Variants in TLN2 observed in about 807,000 individuals in gnomAD.
TLN2 encodes talin 2, also known as talin-2.
Under a neutral mutation model 294.7 loss-of-function variants are expected in TLN2, and 118 were observed. The observed-to-expected ratio is 0.40, with a 90% CI of 0.34 to 0.47. The LOEUF is 0.47. Among genes scored for constraint, TLN2 ranks in the 20% least tolerant of loss-of-function variants. TLN2 has a pLI of 0.84. For synonymous variants in TLN2, 1,431 were observed against 1,304.5 expected, an observed-to-expected ratio of 1.10 and a Z score of -2.09; for missense variants, 3,083 against 3,282.2, an observed-to-expected ratio of 0.94 and a Z score of 1.48.
At chr15:62,530,029 A>G (rs576022690) in intron 1 of TLN2, among the ~76,000 whole-genome samples, 6 of 152,202 alleles carry the variant, frequency 3.9e-5, no homozygotes, top group Admixed American at 6.5e-5. Flanking sequence ...CTTCTCTACT[A>G]AAAATACAAA....
chr15:62,810,076 T>C (rs373929185), intron 52 of TLN2, 44 bp downstream of exon 52: 5 of 1,502,114 alleles, frequency 3.3e-6, no homozygotes, highest in Non-Finnish European at 4.6e-6. Context: ...GCTGTGTCCC[T>C]CTAGCTGTCC....
At chr15:62,580,475 A>G (rs2044858585) in intron 1 of TLN2, among the ~76,000 whole-genome samples, 1 of 142,556 alleles carries the variant, frequency 7.0e-6, no homozygotes, top group African/African-American at 2.6e-5. Context: ...CAGTGGCGAG[A>G]TCTAGGCACA....
chr15:62,671,076 A>G (rs926873741), intron 9 of TLN2, among the ~76,000 whole-genome samples: 4 of 152,088 alleles, frequency 2.6e-5, no homozygotes, highest in Non-Finnish European at 5.9e-5. Context: ...GGCCATTTGT[A>G]TCTCTTCTTT....
At chr15:62,609,421 G>A (rs978879856) in intron 2 of TLN2, among the ~76,000 whole-genome samples, 4 of 152,168 alleles carry the variant, frequency 2.6e-5, no homozygotes, top group African/African-American at 4.8e-5. Context: ...TATAATGAAA[G>A]GGTCAAGTTC....
At chr15:62,729,777 A>G (rs747221920) in intron 28 of TLN2, among the ~76,000 whole-genome samples, 1 of 152,058 alleles carries the variant, frequency 6.6e-6, no homozygotes, top group African/African-American at 2.4e-5. Context: ...CGAGTCTATC[A>G]TCTTACTATT....
At chr15:62,668,550 G>T (rs544026758) in intron 9 of TLN2, among the ~76,000 whole-genome samples, 41 of 152,226 alleles carry the variant, frequency 2.7e-4, no homozygotes, top group African/African-American at 9.6e-4. Flanking sequence ...ATTCCACAGG[G>T]TCTGAAATAC....
chr15:62,418,309 T>TA (rs2140266963), intron 1 of TLN2, among the ~76,000 whole-genome samples: 1 of 152,344 alleles, frequency 6.6e-6, no homozygotes, highest in African/African-American at 2.4e-5. Context: ...ATTGCAATGA[T>TA]AGACTATTCT....
At chr15:62,451,565 G>C (rs1029402817) in intron 1 of TLN2, among the ~76,000 whole-genome samples, 3 of 152,206 alleles carry the variant, frequency 2.0e-5, no homozygotes, top group South Asian at 2.1e-4. Context: ...GCGGAGGCAG[G>C]AGGAACGCTT....
intron 1 of TLN2, among the ~76,000 whole-genome samples, chr15:62,413,300 A>G (rs1158828558): frequency 2.6e-5 from 4 of 152,194 alleles, no homozygotes; most frequent in Non-Finnish European, 5.9e-5. Context: ...TATTTAGTCC[A>G]TGCACTGCCC....
chr15:62,483,692 G>A (rs551682504), intron 1 of TLN2, among the ~76,000 whole-genome samples: 41 of 152,258 alleles, frequency 2.7e-4, no homozygotes, highest in Middle Eastern at 3.4e-3. Flanking sequence ...ACTCTAAAAC[G>A]TACCATCTTG....
chr15:62,796,115 T>A lies in TLN2; in HGVS notation c.5884-12T>A. ...TTTCTTAGCTCCCCTCACATTCCCT[T>A]TCTGCCTACAGGTCTCCTTGGTGCT... On this transcript the variant is annotated splice_polypyrimidine_tract_variant and intron_variant, in intron 46 of 58. Coordinates refer to ENST00000636159, the MANE Select transcript of TLN2 (RefSeq NM_015059.3). 3 of 1,611,922 alleles carry A rather than the reference T, an allele frequency of 1.9e-6. No homozygotes were observed. The highest frequency in any genetic ancestry group is 1.7e-6 in the Non-Finnish European group (2 of 1,179,336).
At chr15:62,810,358 A>T in intron 52 of TLN2, among the ~76,000 whole-genome samples, 1 of 152,184 alleles carries the variant, frequency 6.6e-6, no homozygotes, top group East Asian at 1.9e-4. Flanking sequence ...CTGAAAAAGT[A>T]TCAGGAGGTC....
chr15:62,821,587 C>G (rs1197262961), intron 54 of TLN2, among the ~76,000 whole-genome samples: 2 of 152,230 alleles, frequency 1.3e-5, no homozygotes, highest in Non-Finnish European at 2.9e-5. Context: ...TGAGTCTGTT[C>G]AGCTTGGGAA....
At chr15:62,462,207 C>T (rs1005497199) in intron 1 of TLN2, among the ~76,000 whole-genome samples, 6 of 152,180 alleles carry the variant, frequency 3.9e-5, no homozygotes, top group Non-Finnish European at 7.4e-5. Flanking sequence ...GCGCTGCAGC[C>T]TGGGTGACAA....
At chr15:62,608,023 G>A (rs2047599917) in intron 2 of TLN2, among the ~76,000 whole-genome samples, 1 of 152,168 alleles carries the variant, frequency 6.6e-6, no homozygotes, top group African/African-American at 2.4e-5. Context: ...AAGGACATGT[G>A]TTGTATCTTT....
At chr15:62,525,751 A>C (rs1420062356) in intron 1 of TLN2, among the ~76,000 whole-genome samples, 2 of 152,178 alleles carry the variant, frequency 1.3e-5, no homozygotes, top group African/African-American at 4.8e-5. Context: ...AGGTCCCTTT[A>C]GGTAGTGAAA....
chr15:62,399,331 G>T (rs2456473), intron 1 of TLN2, among the ~76,000 whole-genome samples: 90,272 of 149,456 alleles, frequency 0.6, 29,354 homozygotes, highest in East Asian at 0.81. Context: ...TGCAGGAGCG[G>T]AGCCCTCATG....
rs118014035 is a variant in TLN2 at position 62,718,254 on chromosome 15, C to T, written c.2877+565C>T. 6.7e-4 allele frequency among the ~76,000 whole-genome samples: 102 copies of T among 152,294 alleles called. 1 individual carries two copies. In the East Asian group the frequency reaches 0.01, roughly 15 times the overall value. On this transcript the variant is annotated intron_variant, in intron 24 of 58. Coordinates refer to ENST00000636159, the MANE Select transcript of TLN2 (RefSeq NM_015059.3). The stretch of plus-strand genomic sequence containing the variant: ...ACACCCTTGTTGGTTTCTCTAAGAG[C>T]CCAGGGAGTTGACTCCCCCAGGGCT...
chr15:62,791,144 C>T lies in TLN2; in HGVS notation c.5737-1497C>T, dbSNP rs1015114917. Among the ~76,000 whole-genome samples, 4 of 151,430 alleles carry T rather than the reference C, an allele frequency of 2.6e-5. No individual in the cohort carries two copies. The South Asian group carries it at 6.3e-4, about 24-fold the overall frequency. On this transcript the variant is annotated intron_variant, in intron 45 of 58. Coordinates refer to ENST00000636159, the MANE Select transcript of TLN2 (RefSeq NM_015059.3). ...GACGGATCACCTGAGGTCAGGAGTTCGAGACCAGCCTGGCCAACATGGTGA... is the reference window on the plus strand; with the variant it reads ...GACGGATCACCTGAGGTCAGGAGTTTGAGACCAGCCTGGCCAACATGGTGA...
Sources: allele counts gnomAD v4.1 joint callset (sites outside exome capture counted in the v4.1 genomes callset), GRCh38; gene constraint gnomAD v4.1.1; transcripts MANE v1.5; gene names NCBI Gene and HGNC (gene_info 2026-07-23, HGNC 2026-07-21).